Variants in GPR107 observed in about 807,000 individuals in gnomAD.
GPR107 encodes the protein G protein-coupled receptor 107.
Under a neutral mutation model 75.5 loss-of-function variants are expected in GPR107, and 31 were observed. The ratio of observed to expected loss-of-function variants is 0.41; its 90% CI spans 0.31 to 0.55. GPR107 has a LOEUF of 0.55. Among genes scored for constraint, GPR107 ranks in the 20% least tolerant of loss-of-function variants. The pLI, the probability that GPR107 is intolerant of heterozygous loss-of-function variation, is 0.26. For missense variants in GPR107, 572 were observed against 665.7 expected (o/e 0.86, Z 1.55); for synonymous variants, 267 against 251.3 (o/e 1.06, Z -0.59).
intron 15 of GPR107, among the ~76,000 whole-genome samples, chr9:130,126,648 C>T (rs1477713671): frequency 6.6e-6 from 1 of 152,172 alleles, no homozygotes; most frequent in African/African-American, 2.4e-5. Context: ...TCGCGCCCGG[C>T]CCTGTTTCCA....
chr9:130,090,503 A>G (rs866645561), intron 7 of GPR107, among the ~76,000 whole-genome samples: 7 of 152,202 alleles, frequency 4.6e-5, no homozygotes, highest in Admixed American at 1.3e-4. Flanking sequence ...GCCATCACAA[A>G]TGGCTAGATC....
intron 1 of GPR107, among the ~76,000 whole-genome samples, chr9:130,058,706 C>T (rs965544612): frequency 6.6e-6 from 1 of 152,130 alleles, no homozygotes; most frequent in Admixed American, 6.6e-5. Flanking sequence ...CTCAAGCAGT[C>T]CGCCCGCCTC....
Position 130,137,758 on chromosome 9 carries a change from C to T in GPR107, c.*2637C>T, listed in dbSNP as rs1831993998. On this transcript the variant is annotated 3_prime_UTR_variant, in exon 18 of 18. Coordinates refer to ENST00000347136, the MANE Select transcript of GPR107 (RefSeq NM_020960.5). Reference sequence around the variant, plus strand: ...CTTCACCAGCTGACAAGCCACCCTCCTGCAGCCTGAGTTTCACAGTCCACT... The same window carrying T: ...CTTCACCAGCTGACAAGCCACCCTCTTGCAGCCTGAGTTTCACAGTCCACT... 1 of 152,250 alleles carries T rather than the reference C, an allele frequency of 6.6e-6. No homozygotes were observed. The highest frequency in any genetic ancestry group is 2.4e-5 in the African/African-American group (1 of 41,454). The allele number at this position is 152,250 out of a possible 1,614,324, so 9.4% of individuals were successfully genotyped here. A position where few individuals can be genotyped will look rare whatever the true frequency, so the allele number is the denominator to read the frequency against.
Position 130,079,772 on chromosome 9 carries a change from A to G in GPR107, c.526+3A>G, listed in dbSNP as rs1387037245. ...CAACCAGACCCAGAAGACACAAGGT[A>G]AACCGTAAGGTGGAAACTGGCTTTC... On this transcript the variant is annotated splice_donor_region_variant and intron_variant, in intron 5 of 17. Transcript: ENST00000347136. 1 of 1,600,750 alleles carries G rather than the reference A, an allele frequency of 6.2e-7. No homozygotes were observed. Among genetic ancestry groups the G allele is most frequent in the Non-Finnish European group, 8.5e-7 (1 of 1,173,512 alleles).
At chr9:130,097,140 A>T (rs867325566) in intron 9 of GPR107, among the ~76,000 whole-genome samples, 114 of 135,810 alleles carry the variant, frequency 8.4e-4, no homozygotes, top group Middle Eastern at 4.1e-3. Flanking sequence ...TCTTTTCTTT[A>T]CTTTTCTTTT....
intron 14 of GPR107, among the ~76,000 whole-genome samples, chr9:130,116,387 G>A (rs1310988959): frequency 1.3e-5 from 2 of 152,204 alleles, no homozygotes; most frequent in East Asian, 3.8e-4. Context: ...GGGAAGGTCA[G>A]ATTCTCTTGC....
At position 130,077,306 on chromosome 9, in the gene GPR107, A is replaced by G. The variant is rs757998990; in HGVS notation, c.314A>G (p.Asp105Gly). The change falls in exon 4 of 18, where the codon GAT (aspartate) becomes GGT (glycine). Residue 105 changes from aspartate (D) to glycine (G), a missense_variant. Transcript: ENST00000347136. ...TGGCTCTTCCTTTCTCAGGATGAAG[A>G]TGTGAATTACTGTATTTTAAAGAAA... The part of the protein sequence containing the change: ...NDGFSSYLDE[D>G]VNYCILKKQS... 1 of 1,521,160 alleles carries G rather than the reference A, an allele frequency of 6.6e-7. No individual in the cohort carries two copies. Among genetic ancestry groups the G allele is most frequent in the African/African-American group, 1.4e-5 (1 of 73,268 alleles). The allele number at this position is 1,521,160 out of a possible 1,614,324, so 94.2% of individuals were successfully genotyped here.
At chr9:130,120,413 A>C (rs1018669754) in intron 14 of GPR107, among the ~76,000 whole-genome samples, 5 of 150,950 alleles carry the variant, frequency 3.3e-5, no homozygotes, top group South Asian at 4.2e-4. Context: ...CTCTCACCCC[A>C]CCCCGGTCCT....
rs376689978 is a variant in GPR107 at position 130,112,724 on chromosome 9, CTTTTA to C, written c.1306+5195_1306+5199del. On this transcript the variant is annotated intron_variant, in intron 14 of 17. Coordinates refer to ENST00000347136, the MANE Select transcript of GPR107 (RefSeq NM_020960.5). This position sits in a 1 kb window ranked among gnomAD's most constrained non-coding sequence, Gnocchi z 4.0. ...TTTGAATTGCAAGCTGAACTAGCTG[CTTTTA>C]TTTTATTTTTTTGTTGTTTTTTATT... Among the ~76,000 whole-genome samples the C allele has an allele frequency of 1.0e-3, 152 of 152,032 alleles. 1 individual carries two copies. The East Asian group carries it at 0.021, about 21-fold the overall frequency.
intron 6 of GPR107, among the ~76,000 whole-genome samples, chr9:130,085,169 C>T (rs969155162): frequency 3.9e-5 from 6 of 152,054 alleles, no homozygotes; most frequent in African/African-American, 7.2e-5. Flanking sequence ...TGAAGGGTAG[C>T]CTTGGAGAAG....
In GPR107 at chr9:130,075,671, T is replaced by C; in HGVS notation, c.177T>C (p.Phe59=). The C allele has an allele frequency of 6.2e-7, 1 of 1,605,884 alleles. No homozygotes were observed. The highest frequency in any genetic ancestry group is 8.5e-7 in the Non-Finnish European group (1 of 1,172,472). ...DVRHKVHLNT[F]GFFKDGYMVV... ...GGCATAAAGTTCATCTGAACACCTT[T>C]GGCTTCTTCAAGGATGGGTACATGG... Residue 59 remains phenylalanine (F), a synonymous_variant, in exon 2 of 18, where the codon TTT becomes TTC. Coordinates refer to ENST00000347136, the MANE Select transcript of GPR107 (RefSeq NM_020960.5).
intron 7 of GPR107, among the ~76,000 whole-genome samples, chr9:130,089,393 C>G (rs1830681946): frequency 6.6e-6 from 1 of 152,066 alleles, no homozygotes; most frequent in Non-Finnish European, 1.5e-5. Context: ...TGGCTTTCCC[C>G]CACCTTGGAA....
chr9:130,071,070 C>G (rs1488465271), intron 1 of GPR107, among the ~76,000 whole-genome samples: 7 of 126,456 alleles, frequency 5.5e-5, no homozygotes, highest in Admixed American at 3.5e-4. Flanking sequence ...GAGTCACACT[C>G]TGTGGCGCAG....
chr9:130,072,730 A>G (rs531985776), intron 1 of GPR107, among the ~76,000 whole-genome samples: 2 of 152,056 alleles, frequency 1.3e-5, no homozygotes, highest in Non-Finnish European at 2.9e-5. Context: ...TGGGGGGGGA[A>G]CTGCTATCAG....
intron 10 of GPR107, 122 bp downstream of exon 10, chr9:130,099,654 C>T (rs531103934): frequency 4.8e-4 from 298 of 626,466 alleles, no homozygotes; most frequent in Non-Finnish European, 7.8e-4. Context: ...ATACATTTCT[C>T]ATAAAGCCTC....
At chr9:130,079,895 A>C in intron 5 of GPR107, 126 bp downstream of exon 5, 1 of 530,972 alleles carries the variant, frequency 1.9e-6, no homozygotes, top group Non-Finnish European at 3.1e-6. Flanking sequence ...TGGAAGTTAC[A>C]CAAAAATACG....
At chr9:130,059,660 C>T (rs1829878803) in intron 1 of GPR107, among the ~76,000 whole-genome samples, 2 of 151,572 alleles carry the variant, frequency 1.3e-5, no homozygotes, top group Admixed American at 1.3e-4. Context: ...TTTCATTGGT[C>T]ATAAATGGAT....
At chr9:130,094,879 C>T (rs1830826745) in intron 9 of GPR107, among the ~76,000 whole-genome samples, 1 of 152,076 alleles carries the variant, frequency 6.6e-6, no homozygotes, top group South Asian at 2.1e-4. Context: ...CTGGCTTTTG[C>T]CATGTTGGCC....
At chr9:130,078,401 C>T (rs1830413086) in intron 4 of GPR107, among the ~76,000 whole-genome samples, 1 of 152,090 alleles carries the variant, frequency 6.6e-6, no homozygotes, top group African/African-American at 2.4e-5. Context: ...AATGCTTTGT[C>T]ATAAAACCAT....
Sources: gnomAD v4.1 joint callset for allele counts (sites outside exome capture counted in the v4.1 genomes callset) on GRCh38, gnomAD v4.1.1 for gene constraint, Gnocchi (gnomAD v3.1) non-coding constraint, MANE v1.5 for transcripts, NCBI Gene and HGNC (gene_info 2026-07-23, HGNC 2026-07-21) for gene names.